Variants in ATR observed in about 807,000 individuals in gnomAD.
ATR encodes the protein serine/threonine-protein kinase ATR.
Under a neutral mutation model 305.3 loss-of-function variants are expected in ATR, and 142 were observed. That is an observed-to-expected ratio of 0.47 (90% CI 0.41 to 0.53). The LOEUF is 0.53. Among genes scored for constraint, ATR ranks in the 20% least tolerant of loss-of-function variants. The pLI is 0.00. For missense variants in ATR, 2,135 were observed against 3,133.1 expected (o/e 0.68, Z 7.60); for synonymous variants, 1,050 against 1,068.1 (o/e 0.98, Z 0.33).
At chr3:142,485,038 G>A (rs2030821641) in intron 36 of ATR, 102 bp downstream of exon 36, 1 of 1,529,594 alleles carries the variant, frequency 6.5e-7, no homozygotes, top group Non-Finnish European at 9.0e-7. Flanking sequence ...TCAGTCATAA[G>A]CCAGAAAATA....
rs2108361523 is a variant in ATR at position 142,508,113 on chromosome 3, G to C, written c.4853-4C>G. 2.5e-6 allele frequency: 4 copies of C among 1,604,428 alleles called. No homozygotes were observed. The highest frequency in any genetic ancestry group is 3.4e-6 in the Non-Finnish European group (4 of 1,175,876). On this transcript the variant is annotated splice_polypyrimidine_tract_variant and splice_region_variant and intron_variant, in intron 27 of 46. Coordinates refer to ENST00000350721, the MANE Select transcript of ATR (RefSeq NM_001184.4). ...TCTTCATAATCCACAGTAGATACTAGATCATAAAAAAAGTTGAGTAATTAA... is the reference window on the plus strand; with the variant it reads ...TCTTCATAATCCACAGTAGATACTACATCATAAAAAAAGTTGAGTAATTAA...
chr3:142,460,309 T>A (rs1050626727), intron 42 of ATR, among the ~76,000 whole-genome samples: 5 of 152,182 alleles, frequency 3.3e-5, no homozygotes, highest in African/African-American at 1.2e-4. Flanking sequence ...CAAAAAAATA[T>A]GCTGAAATCC....
At position 142,512,462 on chromosome 3, in the gene ATR, T is replaced by G; in HGVS notation, c.4650A>C (p.Ala1550=). ...CNQEDQQEVY[A]EIMAVLKHDD... ...CATGCTTTAGAACTGCCATAATTTC[T>G]GCATAAACCTATGAGAATCATTTAT... Residue 1550 remains alanine (A), a synonymous_variant, in exon 27 of 47, where the codon GCA becomes GCC. Transcript: ENST00000350721. 1.2e-6 allele frequency: 2 copies of G among 1,605,444 alleles called. No individual in the cohort carries two copies. The highest frequency in any genetic ancestry group is 3.3e-4 in the Middle Eastern group (2 of 6,046).
chr3:142,550,307 A>G lies in ATR; in HGVS notation c.2806-5T>C, dbSNP rs1267224944. ...GTGAAGGGATTCTACCAAAAACTAG[A>G]GCAAAAACCATTTTATTGTGAGTTT... is the stretch of plus-strand genomic sequence containing the variant. On this transcript the variant is annotated splice_region_variant and splice_polypyrimidine_tract_variant and intron_variant, in intron 13 of 46. Coordinates refer to ENST00000350721, the MANE Select transcript of ATR (RefSeq NM_001184.4). 1.2e-6 allele frequency: 2 copies of G among 1,613,726 alleles called. No individual in the cohort carries two copies. Among genetic ancestry groups the G allele is most frequent in the Non-Finnish European group, 1.7e-6 (2 of 1,179,638 alleles).
In ATR at chr3:142,487,825, A is replaced by C. The variant is rs183274110; in HGVS notation, c.6079-2543T>G. 2.3e-4 allele frequency among the ~76,000 whole-genome samples: 35 copies of C among 152,344 alleles called. No individual in the cohort carries two copies. In the East Asian group the frequency reaches 2.3e-3, roughly 10 times the overall value. ...TTAAGAAGTCCTGACCTAGATTAAC[A>C]ATCTACCTCAAGTTTACTTTTGTTT... On this transcript the variant is annotated intron_variant, in intron 35 of 46. Coordinates refer to ENST00000350721, the MANE Select transcript of ATR (RefSeq NM_001184.4).
chr3:142,513,365 C>T, intron 26 of ATR, 136 bp downstream of exon 26: 1 of 1,038,680 alleles, frequency 9.6e-7, no homozygotes, highest in Admixed American at 1.9e-5. Flanking sequence ...ACCAAACAGG[C>T]AAAGATATGT....
chr3:142,455,261 T>A (rs2070879784), intron 45 of ATR, among the ~76,000 whole-genome samples: 1 of 151,796 alleles, frequency 6.6e-6, no homozygotes, highest in African/African-American at 2.4e-5. Flanking sequence ...ATGAAAAAAA[T>A]AAAATTCAAA....
rs1002488269 is a variant in ATR, at chr3:142,493,078, G to A, written c.6078+54C>T. On this transcript the variant is annotated intron_variant, in intron 35 of 46. Transcript: ENST00000350721. ...CATGTGCTTTGCCATATAGACTTAA[G>A]TCATTTTACGTAGTCAACAGAGTTA... is the stretch of plus-strand genomic sequence containing the variant. The A allele has an allele frequency of 3.2e-6, 5 of 1,582,828 alleles. No homozygotes were observed. In the Admixed American group the frequency reaches 8.8e-5, roughly 28 times the overall value.
chr3:142,464,203 G>C (rs2071080140), intron 41 of ATR, among the ~76,000 whole-genome samples: 1 of 152,220 alleles, frequency 6.6e-6, no homozygotes, highest in South Asian at 2.1e-4. Context: ...ATAGCTCACT[G>C]TAGCCTCAAA....
In ATR at chr3:142,497,106, T is replaced by C; in HGVS notation, c.5645A>G (p.Asn1882Ser). The C allele has an allele frequency of 1.2e-6, 2 of 1,614,032 alleles. No individual in the cohort carries two copies. The highest frequency in any genetic ancestry group is 1.7e-6 in the Non-Finnish European group (2 of 1,179,970). ...GGTCATTTCTAGTCGAGCTACCCAG[T>C]TTAGAGAATCTTCTTGAGAACTGTC... ...PGDSSQEDSL[N>S]WVARLEMTQN... is the part of the protein sequence containing the mutation. The change falls in exon 33 of 47, where the codon AAC (asparagine) becomes AGC (serine). Residue 1882 changes from asparagine (N) to serine (S), a missense_variant. Transcript: ENST00000350721.
At chr3:142,531,501 C>T (rs887279137) in intron 21 of ATR, among the ~76,000 whole-genome samples, 8 of 151,970 alleles carry the variant, frequency 5.3e-5, no homozygotes, top group African/African-American at 1.4e-4. Context: ...TGAGAACATG[C>T]GGTGTTTCGT....
intron 14 of ATR, 76 bp from the exon 15 acceptor site, chr3:142,549,749 A>G (rs1306259889): frequency 7.6e-7 from 1 of 1,314,420 alleles, no homozygotes; most frequent in Non-Finnish European, 1.1e-6. Context: ...CTATGTGCAA[A>G]AATATTTTTA....
chr3:142,534,675 A>C (rs903013105), intron 21 of ATR, among the ~76,000 whole-genome samples: 1 of 152,200 alleles, frequency 6.6e-6, no homozygotes, highest in African/African-American at 2.4e-5. Context: ...AAGTAAACTT[A>C]AAGATTTAGC....
chr3:142,454,437 C>CTTTTTTTTTTTT lies in ATR; in HGVS notation c.7656-1216_7656-1205dup, dbSNP rs760823609. Among the ~76,000 whole-genome samples, 82 of 101,474 alleles carry CTTTTTTTTTTTT rather than the reference C, an allele frequency of 8.1e-4. 4 individuals carry two copies. Among genetic ancestry groups the CTTTTTTTTTTTT allele is most frequent in the African/African-American group, 3.9e-3 (78 of 20,120 alleles). 66.6% of individuals were successfully genotyped at this position (101,474 alleles called of 152,430 possible). ...TTCTACCATAATGTCTGATAGACAG[C>CTTTTTTTTTTTT]TTTTTTTTTTTTTTTTTTTTTTTGA... is the stretch of plus-strand genomic sequence containing the variant. On this transcript the variant is annotated intron_variant, in intron 45 of 46. Coordinates refer to ENST00000350721, the MANE Select transcript of ATR (RefSeq NM_001184.4).
chr3:142,541,720 A>G (rs7636909), intron 17 of ATR, among the ~76,000 whole-genome samples: 74,572 of 151,956 alleles, frequency 0.49, 19,280 homozygotes, highest in African/African-American at 0.67. Context: ...TCTCCCTTAG[A>G]ATAGCAATTG....
intron 2 of ATR, among the ~76,000 whole-genome samples, chr3:142,566,759 T>C (rs1345935463): frequency 1.3e-5 from 2 of 152,030 alleles, no homozygotes. Flanking sequence ...CTTTTTTTTT[T>C]TTGAGACACA....
At position 142,547,741 on chromosome 3, in the gene ATR, A is replaced by G. The variant is rs2108450781; in HGVS notation, c.3341T>C (p.Ile1114Thr). ...DDPYQGPRDI[I>T]SPELMADYLQ... is the part of the protein sequence containing the mutation. ...ATTCCTTACCATCAGTTCAGGTGAT[A>G]TGATATCTCTCGGGCCCTGATATGG... The change falls in exon 16 of 47, where the codon ATA (isoleucine) becomes ACA (threonine). Residue 1114 changes from isoleucine to threonine, a missense_variant. Physicochemically the swap from Ile to Thr is moderately conservative, Grantham distance 89. Around this residue, in one of 9 missense-constraint regions of ATR, gnomAD observed 530 missense variants for 766.8 expected, o/e 0.69. Coordinates refer to ENST00000350721, the MANE Select transcript of ATR (RefSeq NM_001184.4). The G allele has an allele frequency of 6.2e-7, 1 of 1,613,794 alleles. No individual in the cohort carries two copies. Among genetic ancestry groups the G allele is most frequent in the East Asian group, 2.2e-5 (1 of 44,842 alleles).
chr3:142,556,328 C>A, intron 9 of ATR, 55 bp downstream of exon 9: 1 of 1,564,070 alleles, frequency 6.4e-7, no homozygotes, highest in Non-Finnish European at 8.8e-7. Flanking sequence ...CATAGCCAGA[C>A]AATTATGATC....
intron 45 of ATR, among the ~76,000 whole-genome samples, chr3:142,455,334 T>C (rs1673082132): frequency 6.6e-6 from 1 of 152,146 alleles, no homozygotes; most frequent in Admixed American, 6.5e-5. Flanking sequence ...ACAGCAATAC[T>C]CCCAAATTGT....
Sources: allele counts gnomAD v4.1 joint callset (sites outside exome capture counted in the v4.1 genomes callset), GRCh38; gene constraint gnomAD v4.1.1; regional missense constraint gnomAD v4.1.1; transcripts MANE v1.5; gene names NCBI Gene and HGNC (gene_info 2026-07-23, HGNC 2026-07-21).